Variants in CRADD observed in about 807,000 individuals in gnomAD.
CRADD encodes death domain-containing protein CRADD.
Under a neutral mutation model 15.5 loss-of-function variants are expected in CRADD, and 9 were observed. The ratio of observed to expected loss-of-function variants is 0.58; its 90% CI spans 0.35 to 1.01. The LOEUF (loss-of-function observed/expected upper bound fraction) is 1.01, where lower values mean the gene tolerates loss of function less well. Among genes scored for constraint, CRADD ranks in the 50% least tolerant of loss-of-function variants. CRADD has a pLI of 0.02. For missense variants in CRADD, 227 were observed against 250.3 expected, an observed-to-expected ratio of 0.91 and a Z score of 0.63; for synonymous variants, 118 against 107.6, an observed-to-expected ratio of 1.10 and a Z score of -0.60.
chr12:93,805,721 C>T (rs1957529575), intron 2 of CRADD, among the ~76,000 whole-genome samples: 2 of 152,166 alleles, frequency 1.3e-5, no homozygotes. Context: ...GAAATTAGGA[C>T]ATTAAAACTG....
intron 2 of CRADD, among the ~76,000 whole-genome samples, chr12:93,797,122 C>T (rs1477777935): frequency 6.6e-6 from 1 of 152,114 alleles, no homozygotes; most frequent in Non-Finnish European, 1.5e-5. Context: ...TTGATGAGTG[C>T]TTGCGGAAGA....
chr12:93,840,341 T>C (rs964963041), intron 2 of CRADD, among the ~76,000 whole-genome samples: 4 of 152,182 alleles, frequency 2.6e-5, no homozygotes, highest in African/African-American at 9.7e-5. Context: ...TGTATTTTTA[T>C]TATGTTTTGT....
intron 2 of CRADD, among the ~76,000 whole-genome samples, chr12:93,808,075 C>T (rs1204898895): frequency 2.7e-5 from 4 of 148,594 alleles, no homozygotes; most frequent in South Asian, 2.2e-4. Context: ...TGGGGAGGCC[C>T]CCATTCAGTG....
intron 2 of CRADD, chr12:93,846,464 G>GTTTTT (rs987630543): frequency 6.6e-5 from 10 of 151,764 alleles, no homozygotes; most frequent in African/African-American, 2.4e-4. Flanking sequence ...TTTTTGTTTT[G>GTTTTT]TTTTGTTTTG....
intron 2 of CRADD, among the ~76,000 whole-genome samples, chr12:93,715,065 T>TA (rs72298984): frequency 7.3e-5 from 11 of 150,828 alleles, no homozygotes; most frequent in South Asian, 6.3e-4. Context: ...CTTTTTTTAT[T>TA]AAAAAAAAAA....
intron 2 of CRADD, among the ~76,000 whole-genome samples, chr12:93,808,746 C>T (rs10859589): frequency 0.33 from 50,461 of 151,884 alleles, 8,611 homozygotes; most frequent in Admixed American, 0.38. Flanking sequence ...TAGCTGCATG[C>T]ACTGAGTACT....
chr12:93,817,433 C>T (rs1391947339), intron 2 of CRADD, among the ~76,000 whole-genome samples: 2 of 152,146 alleles, frequency 1.3e-5, no homozygotes, highest in Admixed American at 6.6e-5. Flanking sequence ...TCGATGCTGT[C>T]GTTATTCTCA....
intron 2 of CRADD, among the ~76,000 whole-genome samples, chr12:93,756,308 A>G (rs749280938): frequency 2.6e-5 from 4 of 152,210 alleles, no homozygotes; most frequent in Non-Finnish European, 4.4e-5. Context: ...GAATGTTGGG[A>G]ATGACTCACC....
At chr12:93,893,699 A>G (rs531123864) in intron 2 of CRADD, among the ~76,000 whole-genome samples, 1 of 152,256 alleles carries the variant, frequency 6.6e-6, no homozygotes, top group East Asian at 1.9e-4. Flanking sequence ...TGAGGTCAGG[A>G]GTTCAGGACC....
chr12:93,695,474 T>C lies in CRADD; in HGVS notation c.298+16402T>C, dbSNP rs73359658. Among the ~76,000 whole-genome samples, 690 of 152,266 alleles carry C rather than the reference T, an allele frequency of 4.5e-3. 2 individuals are homozygous for C. Among genetic ancestry groups the C allele is most frequent in the African/African-American group, 0.016 (665 of 41,546 alleles). Reference sequence around the variant, plus strand: ...GACAAATGGGATAAACAAAAGCTTCTGCACAGGAAACAACAGAGTAAAGAA... The same window carrying C: ...GACAAATGGGATAAACAAAAGCTTCCGCACAGGAAACAACAGAGTAAAGAA... On this transcript the variant is annotated intron_variant, in intron 2 of 2. Transcript: ENST00000332896.
intron 2 of CRADD, among the ~76,000 whole-genome samples, chr12:93,823,670 A>G (rs933452514): frequency 6.6e-6 from 1 of 152,190 alleles, no homozygotes; most frequent in Non-Finnish European, 1.5e-5. Context: ...CATCGTGTCT[A>G]ACTTTGTCTT....
chr12:93,846,753 C>T (rs1466722496), intron 2 of CRADD, among the ~76,000 whole-genome samples: 1 of 152,116 alleles, frequency 6.6e-6, no homozygotes, highest in Non-Finnish European at 1.5e-5. Context: ...AGAATGCAAC[C>T]ATGTGACCCA....
At chr12:93,734,795 C>A (rs1250922586) in intron 2 of CRADD, among the ~76,000 whole-genome samples, 1 of 152,156 alleles carries the variant, frequency 6.6e-6, no homozygotes, top group East Asian at 1.9e-4. Flanking sequence ...GTTCCCTCAG[C>A]TTGGAATCCT....
intron 2 of CRADD, among the ~76,000 whole-genome samples, chr12:93,752,739 A>C (rs1292467888): frequency 6.6e-6 from 1 of 152,238 alleles, no homozygotes; most frequent in Non-Finnish European, 1.5e-5. Flanking sequence ...GGGGGGCCTC[A>C]TAATCATGGC....
chr12:93,889,706 C>T (rs1348134121), intron 2 of CRADD, among the ~76,000 whole-genome samples: 1 of 152,100 alleles, frequency 6.6e-6, no homozygotes, highest in African/African-American at 2.4e-5. Flanking sequence ...GGAGGTGATG[C>T]CGTAACATAA....
chr12:93,723,199 G>A (rs1294620522), intron 2 of CRADD, among the ~76,000 whole-genome samples: 1 of 152,162 alleles, frequency 6.6e-6, no homozygotes, highest in African/African-American at 2.4e-5. Flanking sequence ...CCCCCTCTTT[G>A]CTTAGGGATT....
At chr12:93,894,343 C>T in exon 3 of CRADD, 2 of 565,022 alleles carry the variant, frequency 3.5e-6, no homozygotes, top group Admixed American at 3.0e-5. Context: ...CTACAATGCT[C>T]AGATGGCCCC....
exon 3 of CRADD, chr12:93,894,508 C>A: frequency 5.0e-6 from 1 of 199,474 alleles, no homozygotes; most frequent in Non-Finnish European, 1.0e-5. Flanking sequence ...CTGTGGCTGC[C>A]ACAAGAGTTA....
At chr12:93,835,367 G>GA (rs1957961950) in intron 2 of CRADD, among the ~76,000 whole-genome samples, 1 of 152,114 alleles carries the variant, frequency 6.6e-6, no homozygotes, top group African/African-American at 2.4e-5. Context: ...TCTGCTTGAA[G>GA]AATTATTTCT....
Sources: gnomAD v4.1 joint callset for allele counts (sites outside exome capture counted in the v4.1 genomes callset) on GRCh38, gnomAD v4.1.1 for gene constraint, MANE v1.5 for transcripts, NCBI Gene and HGNC (gene_info 2026-07-23, HGNC 2026-07-21) for gene names.